ADAMTS2: variants seen among roughly 807,000 people sequenced by gnomAD.
ADAMTS2 encodes the protein ADAM metallopeptidase with thrombospondin type 1 motif 2, also known as A disintegrin and metalloproteinase with thrombospondin motifs 2.
Under a neutral mutation model 123.0 loss-of-function variants are expected in ADAMTS2, and 50 were observed. The ratio of observed to expected loss-of-function variants is 0.41; its 90% confidence interval spans 0.32 to 0.51. The LOEUF (loss-of-function observed/expected upper bound fraction) is 0.51, where lower values mean the gene tolerates loss of function less well. ADAMTS2 is among the 20% of genes least tolerant of loss of function. The pLI is 0.35. For missense variants in ADAMTS2, 1,494 were observed against 1,705.2 expected, an observed-to-expected ratio of 0.88 and a Z score of 2.18; for synonymous variants, 678 against 695.4, an observed-to-expected ratio of 0.98 and a Z score of 0.39.
In ADAMTS2 at chr5:179,200,656, A is replaced by G. The variant is rs559950607; in HGVS notation, c.891+6857T>C. Among the ~76,000 whole-genome samples, 13 of 152,272 alleles carry G rather than the reference A, an allele frequency of 8.5e-5. No homozygotes were observed. In the South Asian group the frequency reaches 2.7e-3, roughly 32 times the overall value. On this transcript the variant is annotated intron_variant, in intron 4 of 21. Coordinates refer to ENST00000251582, the MANE Select transcript of ADAMTS2 (RefSeq NM_014244.5). ...CTGGAGCTTGGGAAGTACAGCTGCCAAGTAGGGCAGAAACTCAGAAGATTA... is the reference window on the plus strand; with the variant it reads ...CTGGAGCTTGGGAAGTACAGCTGCCGAGTAGGGCAGAAACTCAGAAGATTA...
intron 10 of ADAMTS2, among the ~76,000 whole-genome samples, chr5:179,149,509 G>A (rs182209931): frequency 1.3e-5 from 2 of 152,328 alleles, no homozygotes; most frequent in African/African-American, 4.8e-5. Flanking sequence ...GTCACTGGTG[G>A]CCGCAGGAAC....
At chr5:179,235,330 G>C (rs1765499269) in intron 3 of ADAMTS2, among the ~76,000 whole-genome samples, 1 of 152,234 alleles carries the variant, frequency 6.6e-6, no homozygotes, top group African/African-American at 2.4e-5. Context: ...GAATAGACAA[G>C]GAGCAAGAAT....
At chr5:179,322,663 G>A (rs1757218934) in intron 2 of ADAMTS2, among the ~76,000 whole-genome samples, 1 of 152,170 alleles carries the variant, frequency 6.6e-6, no homozygotes, top group Non-Finnish European at 1.5e-5. Context: ...AGGACTGAAG[G>A]CCCCTCTGGG....
At chr5:179,213,939 T>C (rs1043452923) in intron 3 of ADAMTS2, among the ~76,000 whole-genome samples, 9 of 152,214 alleles carry the variant, frequency 5.9e-5, no homozygotes, top group Admixed American at 5.2e-4. Flanking sequence ...GATACAGCAT[T>C]AGGTAGGGAT....
At chr5:179,250,787 G>A (rs1765901709) in intron 3 of ADAMTS2, among the ~76,000 whole-genome samples, 1 of 152,210 alleles carries the variant, frequency 6.6e-6, no homozygotes, top group Non-Finnish European at 1.5e-5. Context: ...CCTAACTTTC[G>A]AAACCTGGCT....
chr5:179,344,047 C>G lies in ADAMTS2; in HGVS notation c.254G>C (p.Arg85Pro). ...VSAATSRAGV[R>P]ARRAAPVRTP... is the part of the protein sequence containing the mutation. The stretch of plus-strand genomic sequence containing the variant: ...CCGGACCGGGGCGGCCCTGCGGGCT[C>G]GTACCCCTGCTCTGGACGTAGCTGC... Residue 85 changes from arginine (R) to proline (P), a missense_variant, in exon 2 of 22, where the codon CGA (arginine) becomes CCA (proline). This residue lies in a region of ADAMTS2 where 237 missense variants were observed against 233.7 expected (regional missense o/e 1.01). Transcript: ENST00000251582. The G allele has an allele frequency of 1.2e-6, 2 of 1,612,398 alleles. No homozygotes were observed. The highest frequency in any genetic ancestry group is 1.7e-6 in the Non-Finnish European group (2 of 1,179,806).
At chr5:179,233,381 C>T (rs1379003425) in intron 3 of ADAMTS2, among the ~76,000 whole-genome samples, 1 of 46,720 alleles carries the variant, frequency 2.1e-5, no homozygotes, top group Non-Finnish European at 3.4e-5. Context: ...AAATGTGTCA[C>T]ATTAAAAAAC....
chr5:179,255,323 C>A (rs112261587), intron 3 of ADAMTS2, among the ~76,000 whole-genome samples: 1,566 of 152,230 alleles, frequency 0.01, 29 homozygotes, highest in African/African-American at 0.035. Flanking sequence ...AACCGGGTAA[C>A]AAAGTCAGAG....
chr5:179,176,559 T>C (rs749937798), intron 5 of ADAMTS2, among the ~76,000 whole-genome samples: 2 of 152,144 alleles, frequency 1.3e-5, no homozygotes, highest in Non-Finnish European at 2.9e-5. Flanking sequence ...TGCCACATCC[T>C]CTCGAAGTGG....
At chr5:179,140,269 C>T (rs1763140245) in intron 10 of ADAMTS2, among the ~76,000 whole-genome samples, 1 of 152,154 alleles carries the variant, frequency 6.6e-6, no homozygotes, top group Non-Finnish European at 1.5e-5. Flanking sequence ...GCTTGCTGAC[C>T]CACCCTCCTG....
chr5:179,254,327 A>G (rs1001878081), intron 3 of ADAMTS2, among the ~76,000 whole-genome samples: 1 of 152,180 alleles, frequency 6.6e-6, no homozygotes, highest in African/African-American at 2.4e-5. Flanking sequence ...TATGAAGTAT[A>G]CAGAATAGGC....
At chr5:179,252,820 G>C (rs1765958656) in intron 3 of ADAMTS2, among the ~76,000 whole-genome samples, 1 of 152,122 alleles carries the variant, frequency 6.6e-6, no homozygotes, top group Non-Finnish European at 1.5e-5. Flanking sequence ...TTGTCTACTT[G>C]ATCCAACACC....
intron 3 of ADAMTS2, among the ~76,000 whole-genome samples, chr5:179,270,280 G>A (rs66961507): frequency 0.088 from 13,314 of 152,126 alleles, 780 homozygotes; most frequent in East Asian, 0.22. Flanking sequence ...CACCCCTGAC[G>A]CTGCAGGGAT....
chr5:179,294,938 C>T (rs1199065746), intron 2 of ADAMTS2, among the ~76,000 whole-genome samples: 1 of 152,248 alleles, frequency 6.6e-6, no homozygotes, highest in Non-Finnish European at 1.5e-5. Context: ...TGTGCAGACT[C>T]CTGGCATGGA....
chr5:179,126,014 C>A lies in ADAMTS2; in HGVS notation c.2734G>T (p.Glu912Ter), dbSNP rs566474723. The A allele has an allele frequency of 6.2e-7, 1 of 1,613,470 alleles. No homozygotes were observed. The highest frequency in any genetic ancestry group is 1.1e-5 in the South Asian group (1 of 91,088). ...KAIRRACNPQECSQPVWVTGE... is the reference protein window; with the variant it reads ...KAIRRACNPQ ...GGCACTCACACTGGCTGGGAGCATT[C>A]CTGTGGGTTGCACGCTCTGCGGATG... Residue 912 changes from glutamate to a stop codon, truncating the protein, a stop_gained, in exon 18 of 22, where the codon GAA (glutamate) becomes TAA (stop). Coordinates refer to ENST00000251582, the MANE Select transcript of ADAMTS2 (RefSeq NM_014244.5). LOFTEE classifies it high-confidence loss of function.
chr5:179,242,307 G>T lies in ADAMTS2; in HGVS notation c.688+30604C>A, dbSNP rs571872997. Among the ~76,000 whole-genome samples, 5 of 152,180 alleles carry T rather than the reference G, an allele frequency of 3.3e-5. No individual in the cohort carries two copies. The highest frequency in any genetic ancestry group is 1.2e-4 in the African/African-American group (5 of 41,486). On this transcript the variant is annotated intron_variant, in intron 3 of 21. Coordinates refer to ENST00000251582, the MANE Select transcript of ADAMTS2 (RefSeq NM_014244.5). This position sits in a 1 kb window ranked among gnomAD's most constrained non-coding sequence, Gnocchi z 4.2. The stretch of plus-strand genomic sequence containing the variant: ...GTGTGCCAGCAAATCTCCTTTTCTT[G>T]GCTTAATTGGATTTGGATCTCTAAT...
intron 4 of ADAMTS2, among the ~76,000 whole-genome samples, chr5:179,204,793 G>T (rs1018451946): frequency 6.6e-6 from 1 of 152,174 alleles, no homozygotes; most frequent in Non-Finnish European, 1.5e-5. Flanking sequence ...GAGACCCCCC[G>T]CTGACCCTCC....
intron 2 of ADAMTS2, among the ~76,000 whole-genome samples, chr5:179,338,830 C>T (rs1382314626): frequency 6.6e-6 from 1 of 152,084 alleles, no homozygotes; most frequent in Non-Finnish European, 1.5e-5. Context: ...GGTACAAGAG[C>T]AGAAAGCAGG....
chr5:179,151,550 C>T (rs969017429), intron 10 of ADAMTS2, among the ~76,000 whole-genome samples: 4 of 152,306 alleles, frequency 2.6e-5, no homozygotes, highest in African/African-American at 7.2e-5. Context: ...AGCTCATCTG[C>T]ATATGCCAGC....
Sources: gnomAD v4.1 joint callset for allele counts (sites outside exome capture counted in the v4.1 genomes callset) on GRCh38, gnomAD v4.1.1 for gene constraint, gnomAD v4.1.1 regional missense constraint, Gnocchi (gnomAD v3.1) non-coding constraint, MANE v1.5 for transcripts, NCBI Gene and HGNC (gene_info 2026-07-23, HGNC 2026-07-21) for gene names.